Variants in BBS9 observed in about 807,000 individuals in gnomAD.
The protein encoded by BBS9 is Bardet-Biedl syndrome 9, also known as protein PTHB1.
Under a neutral mutation model 117.7 loss-of-function variants are expected in BBS9, and 89 were observed. The ratio of observed to expected loss-of-function variants is 0.76; its 90% CI spans 0.64 to 0.90. The LOEUF (loss-of-function observed/expected upper bound fraction) is 0.90. Ranked by LOEUF, BBS9 falls within the 40% of genes least tolerant of loss-of-function variation. The probability of loss-of-function intolerance (pLI) is 0.00; values close to 1 mark genes in which losing one functional copy is unlikely to be tolerated. For missense variants in BBS9, 982 were observed against 1,042.2 expected, an observed-to-expected ratio of 0.94 and a Z score of 0.80; for synonymous variants, 379 against 370.9, an observed-to-expected ratio of 1.02 and a Z score of -0.25.
intron 5 of BBS9, among the ~76,000 whole-genome samples, chr7:33,235,551 T>C (rs1172064663): frequency 6.6e-6 from 1 of 152,176 alleles, no homozygotes. Context: ...GTGGCATTCT[T>C]TTTCATTATA....
At chr7:33,542,731 G>GTA (rs1222092335) in intron 21 of BBS9, among the ~76,000 whole-genome samples, 3 of 144,174 alleles carry the variant, frequency 2.1e-5, no homozygotes, top group Admixed American at 6.8e-5. Context: ...GTGTGTGTGT[G>GTA]TATATGTGTG....
chr7:33,598,208 T>C (rs1863190819), intron 21 of BBS9, among the ~76,000 whole-genome samples: 1 of 150,256 alleles, frequency 6.7e-6, no homozygotes, highest in East Asian at 2.0e-4. Context: ...TTGTAAAATA[T>C]TGGAAAATCT....
chr7:33,384,715 T>TGAGAGAGA (rs60567131), intron 18 of BBS9, among the ~76,000 whole-genome samples: 2,210 of 144,776 alleles, frequency 0.015, 60 homozygotes, highest in African/African-American at 0.053. Flanking sequence ...TGTGTGTGTG[T>TGAGAGAGA]GAGAGAGAGA....
At chr7:33,327,982 G>A (rs1396862937) in intron 9 of BBS9, among the ~76,000 whole-genome samples, 2 of 152,124 alleles carry the variant, frequency 1.3e-5, no homozygotes, top group Non-Finnish European at 2.9e-5. Flanking sequence ...CTCATGGGTA[G>A]CCATGTTGAG....
downstream of BBS9, among the ~76,000 whole-genome samples, chr7:33,610,426 A>G (rs968504351): frequency 6.6e-6 from 1 of 152,130 alleles, no homozygotes; most frequent in Non-Finnish European, 1.5e-5. Context: ...GTAAGGGTCC[A>G]ACTCCCACTT....
chr7:33,533,990 C>A lies in BBS9; in HGVS notation c.2335C>A (p.Leu779Met). The change falls in exon 21 of 23, where the codon CTG becomes ATG. Residue 779 changes from leucine to methionine, a missense_variant. Physicochemically the swap from Leu to Met is conservative, Grantham distance 15 (BLOSUM62 2). Transcript: ENST00000242067. ...EETVDAAISH[L>M]LKTCLSKSSK... ...AACGGTGGATGCCGCCATTTCCCAC[C>A]TGTTGAAGACTTGCCTGTCGAAGAG... The A allele has an allele frequency of 1.2e-6, 2 of 1,614,212 alleles. No homozygotes were observed. Among genetic ancestry groups the A allele is most frequent in the African/African-American group, 1.3e-5 (1 of 75,048 alleles).
At chr7:33,217,049 T>C (rs1366368936) in intron 5 of BBS9, among the ~76,000 whole-genome samples, 1 of 152,104 alleles carries the variant, frequency 6.6e-6, no homozygotes, top group Non-Finnish European at 1.5e-5. Flanking sequence ...GAGCTGAGAT[T>C]GCACCATTGC....
chr7:33,198,030 A>C (rs1023576508), intron 5 of BBS9, among the ~76,000 whole-genome samples: 2 of 152,034 alleles, frequency 1.3e-5, no homozygotes, highest in Admixed American at 1.3e-4. Context: ...GCTTGGCATC[A>C]GAACAAGTTC....
intron 19 of BBS9, chr7:33,390,237 A>G (rs1826822942): frequency 2.0e-6 from 2 of 985,072 alleles, no homozygotes; most frequent in African/African-American, 3.5e-5. Flanking sequence ...CTTTTTGTAG[A>G]CACAATGGTG....
intron 5 of BBS9, among the ~76,000 whole-genome samples, chr7:33,241,752 T>C (rs1372316760): frequency 6.6e-6 from 1 of 152,124 alleles, no homozygotes; most frequent in African/African-American, 2.4e-5. Context: ...TTAATTATTA[T>C]ATTTTTTATT....
chr7:33,494,116 C>T (rs1393419313), intron 19 of BBS9, among the ~76,000 whole-genome samples: 4 of 152,138 alleles, frequency 2.6e-5, no homozygotes, highest in African/African-American at 7.2e-5. Context: ...GACTCTAGAC[C>T]GATGGATCTC....
At chr7:33,467,015 C>CAT (rs1840269567) in intron 19 of BBS9, among the ~76,000 whole-genome samples, 2 of 102,556 alleles carry the variant, frequency 2.0e-5, no homozygotes, top group Admixed American at 1.1e-4. Flanking sequence ...CATTCATTCT[C>CAT]TCTCTCTCTC....
chr7:33,232,958 G>A (rs1792765797), intron 5 of BBS9, among the ~76,000 whole-genome samples: 1 of 152,106 alleles, frequency 6.6e-6, no homozygotes, highest in Non-Finnish European at 1.5e-5. Context: ...ATGGTTTCAG[G>A]ACTTTATATG....
At chr7:33,441,716 T>C (rs974067232) in intron 19 of BBS9, among the ~76,000 whole-genome samples, 2 of 152,148 alleles carry the variant, frequency 1.3e-5, no homozygotes, top group African/African-American at 4.8e-5. Context: ...TTCATGACTT[T>C]TGTTTTATCT....
At chr7:33,290,192 G>A (rs1803739781) in intron 9 of BBS9, among the ~76,000 whole-genome samples, 1 of 152,056 alleles carries the variant, frequency 6.6e-6, no homozygotes, top group African/African-American at 2.4e-5. Context: ...TACTAATGAT[G>A]GAGCAAGCAA....
At chr7:33,468,567 A>G (rs1191446310) in intron 19 of BBS9, among the ~76,000 whole-genome samples, 1 of 152,124 alleles carries the variant, frequency 6.6e-6, no homozygotes, top group Non-Finnish European at 1.5e-5. Flanking sequence ...AATATATAAC[A>G]AACTATAATC....
chr7:33,281,102 T>C (rs1401323329), intron 9 of BBS9, among the ~76,000 whole-genome samples: 1 of 151,650 alleles, frequency 6.6e-6, no homozygotes, highest in Non-Finnish European at 1.5e-5. Context: ...TTTTCTTGTA[T>C]TTGTTATAAT....
intron 9 of BBS9, among the ~76,000 whole-genome samples, chr7:33,297,196 A>C (rs916207951): frequency 6.6e-6 from 1 of 152,158 alleles, no homozygotes; most frequent in African/African-American, 2.4e-5. Context: ...TTTAGTGGAT[A>C]TCTCAGATGG....
chr7:33,336,789 C>T (rs1300445453), intron 10 of BBS9, among the ~76,000 whole-genome samples, 167 bp downstream of exon 10: 1 of 152,094 alleles, frequency 6.6e-6, no homozygotes, highest in Non-Finnish European at 1.5e-5. Flanking sequence ...TTTATGTCTA[C>T]TTTGTATGTT....
Sources: allele counts gnomAD v4.1 joint callset (sites outside exome capture counted in the v4.1 genomes callset), GRCh38; gene constraint gnomAD v4.1.1; transcripts MANE v1.5; gene names NCBI Gene and HGNC (gene_info 2026-07-23, HGNC 2026-07-21).